The following FRMD4A variants were observed in gnomAD, a reference collection of about 807,000 sequenced individuals.
The protein encoded by FRMD4A is FERM domain-containing protein 4A.
In FRMD4A, 29 loss-of-function variants were observed where a neutral mutation model predicts 129.1. The ratio of observed to expected loss-of-function variants is 0.22; its 90% CI spans 0.17 to 0.31. The LOEUF is 0.31. FRMD4A is among the 10% of genes least tolerant of loss of function. The pLI is 1.00. For missense variants in FRMD4A, 1,272 were observed against 1,375.8 expected, an observed-to-expected ratio of 0.92 and a Z score of 1.19; for synonymous variants, 634 against 571.6, an observed-to-expected ratio of 1.11 and a Z score of -1.56.
At chr10:14,029,722 AT>A (rs1833146724) in intron 2 of FRMD4A, among the ~76,000 whole-genome samples, 2 of 151,904 alleles carry the variant, frequency 1.3e-5, no homozygotes, top group African/African-American at 4.8e-5. Flanking sequence ...TAATCCAATT[AT>A]TAAATAAGTA....
intron 2 of FRMD4A, among the ~76,000 whole-genome samples, chr10:14,230,594 C>T (rs536400700): frequency 2.9e-4 from 44 of 152,180 alleles, no homozygotes; most frequent in Middle Eastern, 3.4e-3. Flanking sequence ...TAATTCCTGA[C>T]GAGAATTTTT....
chr10:14,220,453 C>T (rs1382579593), intron 2 of FRMD4A, among the ~76,000 whole-genome samples: 1 of 152,124 alleles, frequency 6.6e-6, no homozygotes, highest in African/African-American at 2.4e-5. Flanking sequence ...TTAGTCAATC[C>T]CCTCCATGCC....
chr10:13,851,104 C>T (rs1342562661), intron 3 of FRMD4A, among the ~76,000 whole-genome samples: 3 of 152,180 alleles, frequency 2.0e-5, no homozygotes, highest in Non-Finnish European at 4.4e-5. Context: ...ATCCCAGCAA[C>T]TCTGGAGGCT....
intron 14 of FRMD4A, 66 bp from the exon 15 acceptor site, chr10:13,694,105 C>T (rs1009222128): frequency 3.7e-5 from 50 of 1,337,710 alleles, no homozygotes; most frequent in African/African-American, 2.5e-4. Context: ...AGTCATCCCT[C>T]GCCCGCGCCT....
intron 2 of FRMD4A, among the ~76,000 whole-genome samples, chr10:14,254,895 A>G (rs977379793): frequency 6.6e-6 from 1 of 152,076 alleles, no homozygotes; most frequent in African/African-American, 2.4e-5. Flanking sequence ...CTCTTTCCAT[A>G]AAGTCTTCTG....
intron 2 of FRMD4A, among the ~76,000 whole-genome samples, chr10:13,954,714 GT>G (rs2095397936): frequency 6.6e-6 from 1 of 152,188 alleles, no homozygotes; most frequent in African/African-American, 2.4e-5. Context: ...GGCAGCCTGT[GT>G]GAGTTATTGG....
Position 13,967,118 on chromosome 10 carries a change from C to T in FRMD4A, c.46-108206G>A, listed in dbSNP as rs577743193. Among the ~76,000 whole-genome samples, 6 of 152,238 alleles carry T rather than the reference C, an allele frequency of 3.9e-5. No individual in the cohort carries two copies. In the East Asian group the frequency reaches 1.2e-3, roughly 29 times the overall value. The stretch of plus-strand genomic sequence containing the variant: ...TTCGGAGGCCGAGGCGGGCAGATCA[C>T]GAGGTCAGGAAATTGAGACCATCCT... On this transcript the variant is annotated intron_variant, in intron 2 of 24. Transcript: ENST00000357447.
intron 2 of FRMD4A, among the ~76,000 whole-genome samples, chr10:14,110,136 A>T (rs1292020874): frequency 6.6e-6 from 1 of 150,434 alleles, no homozygotes; most frequent in East Asian, 1.9e-4. Context: ...AAAAAAAAAA[A>T]AAAAAAAAAA....
intron 6 of FRMD4A, among the ~76,000 whole-genome samples, chr10:13,766,587 G>A (rs2092294362): frequency 1.3e-5 from 2 of 152,296 alleles, no homozygotes; most frequent in Admixed American, 1.3e-4. Context: ...AAACGGTGTG[G>A]ATAAGAACCA....
intron 2 of FRMD4A, among the ~76,000 whole-genome samples, chr10:14,068,408 T>C (rs1835161800): frequency 6.6e-6 from 1 of 152,250 alleles, no homozygotes; most frequent in African/African-American, 2.4e-5. Flanking sequence ...GCATATTTTA[T>C]AATCTAAGTG....
intron 12 of FRMD4A, among the ~76,000 whole-genome samples, chr10:13,726,588 C>G (rs1028689932): frequency 2.6e-5 from 4 of 152,176 alleles, no homozygotes; most frequent in Admixed American, 2.6e-4. Flanking sequence ...GAGTCCCATC[C>G]TCAGAGTTTC....
At chr10:14,027,327 AT>A (rs1333500271) in intron 2 of FRMD4A, among the ~76,000 whole-genome samples, 1 of 152,128 alleles carries the variant, frequency 6.6e-6, no homozygotes, top group East Asian at 1.9e-4. Context: ...TTCTAAGACA[AT>A]TTTTTGGGGG....
intron 2 of FRMD4A, among the ~76,000 whole-genome samples, chr10:14,095,020 G>C (rs1277115278): frequency 6.6e-6 from 1 of 152,122 alleles, no homozygotes; most frequent in Non-Finnish European, 1.5e-5. Flanking sequence ...ATATCTGTGT[G>C]TGTGTACACA....
chr10:14,307,066 T>C (rs1458509235), intron 2 of FRMD4A, among the ~76,000 whole-genome samples: 2 of 152,258 alleles, frequency 1.3e-5, no homozygotes, highest in Admixed American at 6.5e-5. Context: ...CAAATGCTTC[T>C]GCTGTTTACA....
rs1564739398 is a variant in FRMD4A at position 13,750,112 on chromosome 10, G to GAAAGAAAGAAAGAAAT, written c.465-2294_465-2293insATTTCTTTCTTTCTTT. 1.0e-3 allele frequency among the ~76,000 whole-genome samples: 77 copies of GAAAGAAAGAAAGAAAT among 74,728 alleles called. 1 individual carries two copies. The highest frequency in any genetic ancestry group is 2.9e-3 in the African/African-American group (75 of 26,232). The allele number at this position is 74,728 out of a possible 152,430, so 49.0% of individuals were successfully genotyped here. On this transcript the variant is annotated intron_variant, in intron 8 of 24. Coordinates refer to ENST00000357447, the MANE Select transcript of FRMD4A (RefSeq NM_018027.5). ...AGAAAGAAAGAAAGAAAGAAATGAA[G>GAAAGAAAGAAAGAAAT]AAAGAAAGAAAGAAAGAAAGAAAGA...
At chr10:14,043,694 G>A (rs1208990697) in intron 2 of FRMD4A, among the ~76,000 whole-genome samples, 4 of 152,244 alleles carry the variant, frequency 2.6e-5, no homozygotes, top group African/African-American at 9.6e-5. Context: ...AGACAACGAC[G>A]CCATCCATCA....
chr10:14,097,835 C>T (rs1025276177), intron 2 of FRMD4A, among the ~76,000 whole-genome samples: 1 of 148,876 alleles, frequency 6.7e-6, no homozygotes, highest in African/African-American at 2.5e-5. Context: ...ATAGCTATGA[C>T]TTCTTGAACA....
At chr10:14,243,154 A>G (rs978214843) in intron 2 of FRMD4A, among the ~76,000 whole-genome samples, 1 of 152,170 alleles carries the variant, frequency 6.6e-6, no homozygotes, top group Non-Finnish European at 1.5e-5. Flanking sequence ...ACACAAATAA[A>G]CCTTGAGAAC....
chr10:14,215,882 G>A (rs766883255), intron 2 of FRMD4A, among the ~76,000 whole-genome samples: 2 of 151,972 alleles, frequency 1.3e-5, no homozygotes, highest in African/African-American at 2.4e-5. Context: ...TCCTTACTTC[G>A]TAGCTGCCCC....
Sources: allele counts gnomAD v4.1 joint callset (sites outside exome capture counted in the v4.1 genomes callset), GRCh38; gene constraint gnomAD v4.1.1; transcripts MANE v1.5; gene names NCBI Gene and HGNC (gene_info 2026-07-23, HGNC 2026-07-21).